Variants in NRXN3 observed in about 807,000 individuals in gnomAD.
NRXN3 encodes the protein neurexin 3.
NRXN3 carries 32 observed loss-of-function variants against 137.6 expected under a neutral mutation model. The ratio of observed to expected loss-of-function variants is 0.23; its 90% CI spans 0.18 to 0.31. NRXN3 has a LOEUF of 0.31. NRXN3 is among the 10% of genes least tolerant of loss of function. The pLI is 1.00. For synonymous variants in NRXN3, 798 were observed against 784.5 expected (o/e 1.02, Z -0.29); for missense variants, 1,574 against 2,062.5 (o/e 0.76, Z 4.59).
At chr14:79,537,901 C>T (rs552997494) in intron 16 of NRXN3, among the ~76,000 whole-genome samples, 1 of 152,294 alleles carries the variant, frequency 6.6e-6, no homozygotes, top group South Asian at 2.1e-4. Flanking sequence ...AGTTTACAGT[C>T]CCACCAACAG....
chr14:78,675,863 C>T (rs1159667328), intron 6 of NRXN3, among the ~76,000 whole-genome samples: 1 of 152,158 alleles, frequency 6.6e-6, no homozygotes, highest in African/African-American at 2.4e-5. Flanking sequence ...ACAGCGTGTG[C>T]TGACTTCATG....
chr14:78,372,175 AT>A (rs59367109), intron 4 of NRXN3, among the ~76,000 whole-genome samples: 63,822 of 144,006 alleles, frequency 0.44, 14,659 homozygotes, highest in Admixed American at 0.55. Context: ...TGAAAAAAAA[AT>A]TTTTACCAGA....
chr14:79,611,118 T>G (rs558328869), intron 16 of NRXN3, among the ~76,000 whole-genome samples: 1 of 152,310 alleles, frequency 6.6e-6, no homozygotes, highest in African/African-American at 2.4e-5. Context: ...TAGTAGTAAC[T>G]ATATTTTTCT....
chr14:78,782,189 A>C (rs537908343), intron 8 of NRXN3, among the ~76,000 whole-genome samples: 24 of 152,328 alleles, frequency 1.6e-4, no homozygotes, highest in African/African-American at 5.5e-4. Flanking sequence ...CCATTTTCAA[A>C]TATTTCCTCT....
intron 19 of NRXN3, among the ~76,000 whole-genome samples, chr14:79,743,785 T>A (rs1177282570): frequency 6.6e-6 from 1 of 152,148 alleles, no homozygotes; most frequent in African/African-American, 2.4e-5. Context: ...AAAATGATGC[T>A]AAGTTTCTTG....
chr14:78,715,668 G>A (rs1401543100), intron 8 of NRXN3, among the ~76,000 whole-genome samples: 1 of 152,090 alleles, frequency 6.6e-6, no homozygotes, highest in African/African-American at 2.4e-5. Flanking sequence ...ATAAACTCTG[G>A]GGCCAGACTG....
intron 17 of NRXN3, among the ~76,000 whole-genome samples, chr14:79,683,684 C>T (rs2098681805): frequency 6.6e-6 from 1 of 152,162 alleles, no homozygotes; most frequent in South Asian, 2.1e-4. Flanking sequence ...ACTACGGCTG[C>T]AGTCATCTCA....
intron 15 of NRXN3, among the ~76,000 whole-genome samples, chr14:79,117,779 A>T (rs2054710846): frequency 1.3e-5 from 2 of 152,232 alleles, no homozygotes; most frequent in Admixed American, 1.3e-4. Context: ...GACAGATTGA[A>T]GGAGACACCA....
chr14:78,461,714 A>C (rs189399915), intron 4 of NRXN3, among the ~76,000 whole-genome samples: 1 of 152,212 alleles, frequency 6.6e-6, no homozygotes. Flanking sequence ...TTAAGAGTGC[A>C]GGGTGGGTTC....
chr14:79,315,195 C>T (rs995416708), intron 15 of NRXN3, among the ~76,000 whole-genome samples: 4 of 152,150 alleles, frequency 2.6e-5, no homozygotes, highest in African/African-American at 9.7e-5. Context: ...TGGCATTATT[C>T]AGTCCATTAA....
At chr14:78,506,298 CT>C (rs2095988931) in intron 4 of NRXN3, among the ~76,000 whole-genome samples, 1 of 152,128 alleles carries the variant, frequency 6.6e-6, no homozygotes. Flanking sequence ...GGATTTCCTT[CT>C]TTTAAAAAAC....
At chr14:78,938,848 C>CTTTTCTTTTTTT (rs2099347130) in intron 10 of NRXN3, among the ~76,000 whole-genome samples, 1 of 132,038 alleles carries the variant, frequency 7.6e-6, no homozygotes, top group South Asian at 2.5e-4. Context: ...AGTGATTTTT[C>CTTTTCTTTTTTT]TTTTTTTTTT....
chr14:78,610,239 A>G (rs2097289377), intron 4 of NRXN3, among the ~76,000 whole-genome samples: 1 of 152,234 alleles, frequency 6.6e-6, no homozygotes, highest in Admixed American at 6.5e-5. Flanking sequence ...AGCTGAGCCA[A>G]CGTTTAAAAA....
intron 15 of NRXN3, among the ~76,000 whole-genome samples, chr14:79,045,603 T>A (rs1595334956): frequency 6.6e-6 from 1 of 152,130 alleles, no homozygotes; most frequent in Non-Finnish European, 1.5e-5. Context: ...CACTCTCTGA[T>A]CTATAAAAGC....
intron 15 of NRXN3, among the ~76,000 whole-genome samples, chr14:79,129,774 G>T (rs1271271046): frequency 9.3e-6 from 1 of 108,040 alleles, no homozygotes; most frequent in African/African-American, 3.3e-5. Flanking sequence ...TGTTGACAGT[G>T]GGGTGTTAAA....
intron 15 of NRXN3, among the ~76,000 whole-genome samples, chr14:79,085,604 T>C (rs574811547): frequency 3.3e-5 from 5 of 152,114 alleles, no homozygotes; most frequent in African/African-American, 4.8e-5. Flanking sequence ...TAGCATTAAC[T>C]TAGTAGTTTA....
chr14:79,049,072 AAATAATAAT>A lies in NRXN3; in HGVS notation c.3262+60948_3262+60956del, dbSNP rs750758304. Among the ~76,000 whole-genome samples, 29 of 42,466 alleles carry A rather than the reference AAATAATAAT, an allele frequency of 6.8e-4. 1 individual carries two copies. Among genetic ancestry groups the A allele is most frequent in the East Asian group, 1.7e-3 (2 of 1,152 alleles). The allele number at this position is 42,466 out of a possible 152,430, so 27.9% of individuals were successfully genotyped here. A position where few individuals can be genotyped will look rare whatever the true frequency, so the allele number is the denominator to read the frequency against. On this transcript the variant is annotated intron_variant, in intron 15 of 20. Transcript: ENST00000335750. ...AAAAAAAAAAAAAAAAAAAAAAAAA[AAATAATAAT>A]AATAATAATAATAATATGATGGGGT...
intron 16 of NRXN3, among the ~76,000 whole-genome samples, chr14:79,552,559 A>T (rs1289765283): frequency 6.6e-6 from 1 of 152,184 alleles, no homozygotes; most frequent in Non-Finnish European, 1.5e-5. Flanking sequence ...GGATCCACAC[A>T]AAATGGGAAG....
chr14:78,387,689 C>T (rs1011457443), intron 4 of NRXN3, among the ~76,000 whole-genome samples: 1 of 152,148 alleles, frequency 6.6e-6, no homozygotes, highest in South Asian at 2.1e-4. Context: ...ATCTTCCATC[C>T]GTATTCCTTT....
Sources: allele counts gnomAD v4.1 joint callset (sites outside exome capture counted in the v4.1 genomes callset), GRCh38; gene constraint gnomAD v4.1.1; transcripts MANE v1.5; gene names NCBI Gene and HGNC (gene_info 2026-07-23, HGNC 2026-07-21).